Variants in CFAP46 observed in about 807,000 individuals in gnomAD.
The protein encoded by CFAP46 is cilia and flagella associated protein 46, also known as cilia- and flagella-associated protein 46.
A neutral mutation model predicts 325.7 loss-of-function variants in CFAP46; 245 were observed. The ratio of observed to expected loss-of-function variants is 0.75; its 90% CI spans 0.68 to 0.84. The LOEUF is 0.84. CFAP46 is among the 40% of genes least tolerant of loss of function. The pLI is 0.00. For missense variants in CFAP46, 3,346 were observed against 3,543.0 expected, an observed-to-expected ratio of 0.94 and a Z score of 1.41; for synonymous variants, 1,523 against 1,495.9, an observed-to-expected ratio of 1.02 and a Z score of -0.42.
chr10:132,887,224 C>G (rs1849152409), intron 25 of CFAP46, among the ~76,000 whole-genome samples: 2 of 88,964 alleles, frequency 2.2e-5, no homozygotes, highest in Non-Finnish European at 4.0e-5. Flanking sequence ...CCCCTCTTCT[C>G]TCTCTCCTCT....
rs1850126576 is a variant in CFAP46 at position 132,942,551 on chromosome 10, T to A, written c.-67A>T. 8.2e-7 allele frequency: 1 copy of A among 1,220,496 alleles called. No homozygotes were observed. The highest frequency in any genetic ancestry group is 3.7e-5 in the South Asian group (1 of 26,804). The allele number at this position is 1,220,496 out of a possible 1,614,324, so 75.6% of individuals were successfully genotyped here. On this transcript the variant is annotated 5_prime_UTR_variant, in exon 1 of 58. Transcript: ENST00000368586. ...GTGCGTCCTGCCGCCCACTGTCGGT[T>A]GGGTTCTCCAGCCGCGAGGACCCGG...
rs1319452683 is a variant in CFAP46, at chr10:132,920,117, T to C, written c.1672A>G (p.Ser558Gly). 4 of 1,549,306 alleles carry C rather than the reference T, an allele frequency of 2.6e-6. No homozygotes were observed. Among genetic ancestry groups the C allele is most frequent in the Admixed American group, 2.0e-5 (1 of 50,752 alleles). ...LCAKAWHHTV[S>G]VDKAAGHLRR... ...AGGTGCCCGGCAGCTTTGTCCACGCTGACGGTGTGGTGCCACGCCTTCGCA... is the reference window on the plus strand; with the variant it reads ...AGGTGCCCGGCAGCTTTGTCCACGCCGACGGTGTGGTGCCACGCCTTCGCA... The change falls in exon 14 of 58, where the codon AGC (serine) becomes GGC (glycine). Residue 558 changes from serine to glycine, a missense_variant. Coordinates refer to ENST00000368586, the MANE Select transcript of CFAP46 (RefSeq NM_001200049.3).
At chr10:132,829,558 T>C (rs1418388597) in intron 50 of CFAP46, among the ~76,000 whole-genome samples, 1 of 152,212 alleles carries the variant, frequency 6.6e-6, no homozygotes, top group Non-Finnish European at 1.5e-5. Context: ...GGCCGGGATC[T>C]CCAGCGTGGT....
In CFAP46 at chr10:132,877,579, G is replaced by A. The variant is rs574485740; in HGVS notation, c.4212+302C>T. Among the ~76,000 whole-genome samples, 7 of 152,322 alleles carry A rather than the reference G, an allele frequency of 4.6e-5. No individual in the cohort carries two copies. The highest frequency in any genetic ancestry group is 1.4e-4 in the African/African-American group (6 of 41,576). ...GCATTACGTGGCTAGCTCCAGGCCC[G>A]GGATTCCTGCCAGGGACAAGCCAGG... On this transcript the variant is annotated intron_variant, in intron 30 of 57. Coordinates refer to ENST00000368586, the MANE Select transcript of CFAP46 (RefSeq NM_001200049.3). The surrounding 1 kb of genome is among the most constrained non-coding windows in gnomAD (Gnocchi z 5.7).
intron 39 of CFAP46, among the ~76,000 whole-genome samples, chr10:132,856,337 A>G (rs963720291): frequency 6.6e-6 from 1 of 152,174 alleles, no homozygotes; most frequent in African/African-American, 2.4e-5. Flanking sequence ...CTTGGGACTC[A>G]TTCAGCTTCT....
At chr10:132,888,011 T>TCCCCTCTTCTCTCTCTCCTCC (rs1849190427) in intron 25 of CFAP46, among the ~76,000 whole-genome samples, 1 of 102,954 alleles carries the variant, frequency 9.7e-6, no homozygotes, top group Non-Finnish European at 1.9e-5. Context: ...CTCTCTCCTC[T>TCCCCTCTTCTCTCTCTCCTCC]CCCCTCTTCT....
In CFAP46 at chr10:132,905,450, C is replaced by CTTTTT. The variant is rs71013581; in HGVS notation, c.2924+3013_2924+3017dup. 1.0e-3 allele frequency among the ~76,000 whole-genome samples: 131 copies of CTTTTT among 130,058 alleles called. 1 individual carries two copies. The highest frequency in any genetic ancestry group is 3.6e-3 in the African/African-American group (125 of 34,264). The allele number at this position is 130,058 out of a possible 152,430, so 85.3% of individuals were successfully genotyped here. ...ATTTCTAGCATCCCACATATCTTTC[C>CTTTTT]TTTTTTTTTTTTTTTTTGGTTTACT... is the stretch of plus-strand genomic sequence containing the variant. On this transcript the variant is annotated intron_variant, in intron 22 of 57. Coordinates refer to ENST00000368586, the MANE Select transcript of CFAP46 (RefSeq NM_001200049.3).
In CFAP46 at chr10:132,847,918, C is replaced by T. The variant is rs566545193; in HGVS notation, c.5953-597G>A. Among the ~76,000 whole-genome samples, 6 of 152,270 alleles carry T rather than the reference C, an allele frequency of 3.9e-5. No individual in the cohort carries two copies. Among genetic ancestry groups the T allele is most frequent in the African/African-American group, 1.2e-4 (5 of 41,564 alleles). On this transcript the variant is annotated intron_variant, in intron 41 of 57. Coordinates refer to ENST00000368586, the MANE Select transcript of CFAP46 (RefSeq NM_001200049.3). The surrounding 1 kb of genome is among the most constrained non-coding windows in gnomAD (Gnocchi z 5.2). ...GGAGAAGGAGTGATGGACATGTCCC[C>T]GTTCTAGTAGGCTGCCTGAATGCAG...
intron 50 of CFAP46, among the ~76,000 whole-genome samples, chr10:132,823,435 G>T (rs1282986656): frequency 7.1e-6 from 1 of 139,918 alleles, no homozygotes; most frequent in African/African-American, 2.8e-5. Context: ...GCTGATGTGT[G>T]CTGTGTGTGC....
At position 132,836,173 on chromosome 10, in the gene CFAP46, A is replaced by T. The variant is rs1848243060; in HGVS notation, c.6582T>A (p.Thr2194=). Residue 2194 remains threonine, a synonymous_variant, in exon 46 of 58, where the codon ACT becomes ACA. Coordinates refer to ENST00000368586, the MANE Select transcript of CFAP46 (RefSeq NM_001200049.3). ...GAAYEKPKFI[T]AAKGKVQAVG... is the part of the protein sequence containing the mutation. ...CCGCCTGCACCTTTCCTTTGGCTGC[A>T]GTAATGAACTTGGGTTTCTCGTAGG... The T allele has an allele frequency of 6.2e-7, 1 of 1,607,950 alleles. No individual in the cohort carries two copies. The highest frequency in any genetic ancestry group is 1.4e-5 in the African/African-American group (1 of 72,916).
intron 44 of CFAP46, among the ~76,000 whole-genome samples, chr10:132,843,394 G>C (rs967860864): frequency 4.7e-5 from 7 of 149,260 alleles, no homozygotes; most frequent in African/African-American, 2.5e-5. Context: ...GTGCTGTAAG[G>C]CTCTGGTCTC....
chr10:132,859,302 G>C, intron 37 of CFAP46, 55 bp from the exon 38 acceptor site: 1 of 1,460,536 alleles, frequency 6.8e-7, no homozygotes, highest in Non-Finnish European at 9.1e-7. Context: ...CCGCGTCAGG[G>C]CTTGCGGCTG....
Position 132,834,123 on chromosome 10 carries a change from T to G in CFAP46, c.6867A>C (p.Arg2289Ser). 6.2e-7 allele frequency: 1 copy of G among 1,613,956 alleles called. No homozygotes were observed. Among genetic ancestry groups the G allele is most frequent in the East Asian group, 2.2e-5 (1 of 44,860 alleles). Residue 2289 changes from arginine (R) to serine (S), a missense_variant and splice_region_variant, in exon 49 of 58, where the codon AGA (arginine) becomes AGC (serine). By Grantham distance (110) the Arg-to-Ser change is moderately radical (BLOSUM62 -1). Transcript: ENST00000368586. Reference protein sequence around the residue: ...LFPLLSLSKARVQTPAVVADS... With the variant: ...LFPLLSLSKASVQTPAVVADS... ...CGGCAACAACCGCAGGTGTCTGCAC[T>G]CTGAAAGTCAGGTTATATATTCGGG...
Position 132,869,249 on chromosome 10 carries a change from C to G in CFAP46, c.4610+25G>C, listed in dbSNP as rs115596378. 8.7e-6 allele frequency: 13 copies of G among 1,494,636 alleles called. No individual in the cohort carries two copies. Among genetic ancestry groups the G allele is most frequent in the African/African-American group, 8.5e-5 (6 of 70,988 alleles). 92.6% of individuals were successfully genotyped at this position (1,494,636 alleles called of 1,614,324 possible). ...CCAAGGGCGAGACTCAAACCCCAGG[C>G]GGCGCAGGGTGGGACGGCACACACC... On this transcript the variant is annotated intron_variant, in intron 33 of 57. Coordinates refer to ENST00000368586, the MANE Select transcript of CFAP46 (RefSeq NM_001200049.3). This position sits in a 1 kb window ranked among gnomAD's most constrained non-coding sequence, Gnocchi z 6.2.
chr10:132,918,664 T>A, intron 15 of CFAP46, 144 bp from the exon 16 acceptor site: 1 of 1,106,828 alleles, frequency 9.0e-7, no homozygotes, highest in Non-Finnish European at 1.2e-6. Context: ...AGGCGGGAGG[T>A]GGGCAGCTTG....
At chr10:132,829,097 A>C (rs2134967759) in intron 50 of CFAP46, among the ~76,000 whole-genome samples, 1 of 151,912 alleles carries the variant, frequency 6.6e-6, no homozygotes, top group African/African-American at 2.4e-5. Flanking sequence ...AAAAAAAAAA[A>C]AAACATCCTG....
At chr10:132,809,454 C>T (rs1020021309) in intron 57 of CFAP46, among the ~76,000 whole-genome samples, 17 of 152,220 alleles carry the variant, frequency 1.1e-4, no homozygotes, top group Non-Finnish European at 2.2e-4. Context: ...GTGTGGGTTC[C>T]GTCTGCCTTC....
chr10:132,823,075 G>C (rs561372554), intron 50 of CFAP46, among the ~76,000 whole-genome samples: 159 of 143,104 alleles, frequency 1.1e-3, no homozygotes, highest in African/African-American at 4.1e-3. Flanking sequence ...GATGTGTGCT[G>C]TGTGTGCTGA....
chr10:132,879,312 T>C (rs1849003252), intron 29 of CFAP46, 114 bp downstream of exon 29: 2 of 1,072,714 alleles, frequency 1.9e-6, no homozygotes, highest in Non-Finnish European at 2.6e-6. Flanking sequence ...CAAAGGTCTT[T>C]AGGAAATGCT....
Sources: gnomAD v4.1 joint callset for allele counts (sites outside exome capture counted in the v4.1 genomes callset) on GRCh38, gnomAD v4.1.1 for gene constraint, Gnocchi (gnomAD v3.1) non-coding constraint, MANE v1.5 for transcripts, NCBI Gene and HGNC (gene_info 2026-07-23, HGNC 2026-07-21) for gene names.